The following FTO variants were observed in gnomAD, a reference collection of about 807,000 sequenced individuals.
FTO encodes the protein FTO alpha-ketoglutarate dependent dioxygenase.
A neutral mutation model predicts 63.9 loss-of-function variants in FTO; 47 were observed. The ratio of observed to expected loss-of-function variants is 0.74; its 90% CI spans 0.58 to 0.94. FTO has a LOEUF of 0.94. Among genes scored for constraint, FTO ranks in the 40% least tolerant of loss-of-function variants. The probability of loss-of-function intolerance (pLI) is 0.00; values close to 1 mark genes in which losing one functional copy is unlikely to be tolerated. For synonymous variants in FTO, 207 were observed against 224.4 expected, an observed-to-expected ratio of 0.92 and a Z score of 0.69; for missense variants, 562 against 618.1, an observed-to-expected ratio of 0.91 and a Z score of 0.96.
chr16:53,971,775 G>A (rs1347239901), intron 8 of FTO, among the ~76,000 whole-genome samples: 1 of 152,154 alleles, frequency 6.6e-6, no homozygotes, highest in Non-Finnish European at 1.5e-5. Flanking sequence ...CCCGAAGAGG[G>A]GCTCTTTTGT....
chr16:54,025,411 T>C (rs2084690586), intron 8 of FTO, among the ~76,000 whole-genome samples: 1 of 152,136 alleles, frequency 6.6e-6, no homozygotes, highest in Admixed American at 6.5e-5. Flanking sequence ...CCTATGACAT[T>C]TATCCTAGAG....
intron 1 of FTO, among the ~76,000 whole-genome samples, chr16:53,783,603 A>ATAT (rs1368143580): frequency 8.2e-5 from 7 of 85,504 alleles, no homozygotes; most frequent in East Asian, 1.4e-3. Flanking sequence ...GCAAGACTCC[A>ATAT]TAAAAAAAAA....
intron 4 of FTO, among the ~76,000 whole-genome samples, chr16:53,846,401 T>A (rs1181942423): frequency 1.3e-5 from 2 of 152,164 alleles, no homozygotes; most frequent in South Asian, 4.1e-4. Flanking sequence ...AGCCAGTAAA[T>A]CACTTTCCTT....
rs756242925 is a variant in FTO, at chr16:53,826,245, C to T, written c.505C>T (p.Pro169Ser). The T allele has an allele frequency of 6.2e-7, 1 of 1,614,188 alleles. No individual in the cohort carries two copies. Among genetic ancestry groups the T allele is most frequent in the Non-Finnish European group, 8.5e-7 (1 of 1,180,038 alleles). ...AGAGAAGGCTAATGAGGATGCTGTG[C>T]CATTGTGTATGTCTGCAGATTTCCC... is the stretch of plus-strand genomic sequence containing the variant. Reference protein sequence around the residue: ...AKEKANEDAVPLCMSADFPRV... With the variant: ...AKEKANEDAVSLCMSADFPRV... The change falls in exon 3 of 9, where the codon CCA (proline) becomes TCA (serine). Residue 169 changes from proline (P) to serine (S), a missense_variant. Physicochemically the swap from Pro to Ser is moderately conservative, Grantham distance 74. Transcript: ENST00000471389.
At chr16:54,052,545 A>G (rs994021769) in intron 8 of FTO, 3 of 152,060 alleles carry the variant, frequency 2.0e-5, no homozygotes, top group Admixed American at 6.6e-5. Context: ...CCAATCACTG[A>G]TTACCTGGCT....
intron 7 of FTO, among the ~76,000 whole-genome samples, chr16:53,907,121 G>C (rs892575964): frequency 1.3e-5 from 2 of 152,106 alleles, no homozygotes; most frequent in African/African-American, 4.8e-5. Context: ...TTAGGATAAA[G>C]ACTAAAATAT....
chr16:53,882,821 T>C (rs2080873990), intron 6 of FTO, among the ~76,000 whole-genome samples: 1 of 152,220 alleles, frequency 6.6e-6, no homozygotes, highest in Non-Finnish European at 1.5e-5. Flanking sequence ...ATAAGTTATT[T>C]AATATCTTGT....
At chr16:53,874,027 G>C (rs938867286) in intron 5 of FTO, among the ~76,000 whole-genome samples, 162 bp downstream of exon 5, 19 of 152,186 alleles carry the variant, frequency 1.2e-4, no homozygotes, top group African/African-American at 4.6e-4. Context: ...TTTGGATTGT[G>C]TTGGATACAG....
At chr16:53,883,595 C>T (rs1320382406) in intron 6 of FTO, among the ~76,000 whole-genome samples, 1 of 125,524 alleles carries the variant, frequency 8.0e-6, no homozygotes, top group Non-Finnish European at 1.6e-5. Flanking sequence ...GCACTCCAGC[C>T]TGGGCAACAA....
chr16:54,046,192 A>G (rs1404049896), intron 8 of FTO, among the ~76,000 whole-genome samples: 1 of 95,178 alleles, frequency 1.1e-5, no homozygotes, highest in Non-Finnish European at 1.8e-5. Context: ...AGACGACATG[A>G]TTGTTTATCT....
intron 1 of FTO, among the ~76,000 whole-genome samples, chr16:53,730,580 A>G (rs2076250566): frequency 6.6e-6 from 1 of 151,828 alleles, no homozygotes; most frequent in African/African-American, 2.4e-5. Context: ...CTGCAGCCTC[A>G]ACTTCCCAGG....
rs550613088 is a variant in FTO at position 53,951,814 on chromosome 16, G to GTT, written c.1364+17715_1364+17716dup. Among the ~76,000 whole-genome samples the GTT allele has an allele frequency of 1.2e-3, 180 of 144,924 alleles. 1 individual carries two copies. Among genetic ancestry groups the GTT allele is most frequent in the African/African-American group, 4.2e-3 (169 of 39,772 alleles). ...TGAGGACAAGACTCAAATCAATCTT[G>GTT]TTTTTTTTTTTAAGTTGATTTAAAG... On this transcript the variant is annotated intron_variant, in intron 8 of 8. Coordinates refer to ENST00000471389, the MANE Select transcript of FTO (RefSeq NM_001080432.3).
rs79158755 is a variant in FTO at position 53,931,907 on chromosome 16, C to T, written c.1240-2078C>T. 1.1e-3 allele frequency among the ~76,000 whole-genome samples: 162 copies of T among 151,422 alleles called. 1 individual carries two copies. Among genetic ancestry groups the T allele is most frequent in the African/African-American group, 3.7e-3 (153 of 41,174 alleles). ...ACACACACACACACACACACACACA[C>T]GCACATACCAGATTTCTTGTTTATT... On this transcript the variant is annotated intron_variant, in intron 7 of 8. Transcript: ENST00000471389.
At chr16:53,730,774 G>A (rs1283735075) in intron 1 of FTO, among the ~76,000 whole-genome samples, 1 of 152,068 alleles carries the variant, frequency 6.6e-6, no homozygotes, top group Non-Finnish European at 1.5e-5. Context: ...TTGGATTACA[G>A]GCATGAGCCA....
intron 8 of FTO, among the ~76,000 whole-genome samples, chr16:54,081,911 A>G (rs376068071): frequency 5.1e-4 from 77 of 152,322 alleles, no homozygotes; most frequent in Non-Finnish European, 8.7e-4. Flanking sequence ...GGCTCTGGCC[A>G]AGGACGTAAG....
At chr16:53,909,369 G>GA (rs2081622673) in intron 7 of FTO, among the ~76,000 whole-genome samples, 1 of 152,092 alleles carries the variant, frequency 6.6e-6, no homozygotes, top group African/African-American at 2.4e-5. Context: ...TGAGGGGGTA[G>GA]AAAATACATG....
At chr16:53,862,259 A>G (rs890554962) in intron 4 of FTO, among the ~76,000 whole-genome samples, 3 of 152,048 alleles carry the variant, frequency 2.0e-5, no homozygotes, top group African/African-American at 7.2e-5. Flanking sequence ...AAAACAAACA[A>G]ACAAACAAAA....
At chr16:53,732,893 G>A (rs2076306631) in intron 1 of FTO, among the ~76,000 whole-genome samples, 1 of 152,166 alleles carries the variant, frequency 6.6e-6, no homozygotes, top group Admixed American at 6.5e-5. Flanking sequence ...TCTGGCATCA[G>A]GGAAGGAATG....
chr16:53,731,096 T>A (rs1298312847), intron 1 of FTO, among the ~76,000 whole-genome samples: 1 of 152,186 alleles, frequency 6.6e-6, no homozygotes, highest in Non-Finnish European at 1.5e-5. Flanking sequence ...GTAAAAAGGA[T>A]CCTGCATTAG....
Sources: allele counts gnomAD v4.1 joint callset (sites outside exome capture counted in the v4.1 genomes callset), GRCh38; gene constraint gnomAD v4.1.1; transcripts MANE v1.5; gene names NCBI Gene and HGNC (gene_info 2026-07-23, HGNC 2026-07-21).